Variants in SLC9A7 observed in about 807,000 individuals in gnomAD.
SLC9A7 encodes the protein sodium/hydrogen exchanger 7.
SLC9A7 carries 19 observed loss-of-function variants against 52.6 expected under a neutral mutation model. The observed-to-expected ratio is 0.36, with a 90% confidence interval of 0.25 to 0.53. The LOEUF is 0.53. Ranked by LOEUF, SLC9A7 falls within the 20% of genes least tolerant of loss-of-function variation. SLC9A7 has a pLI of 0.91. For synonymous variants in SLC9A7, 226 were observed against 252.1 expected (o/e 0.90, Z 0.98); for missense variants, 455 against 597.9 (o/e 0.76, Z 2.49).
intron 1 of SLC9A7, among the ~76,000 whole-genome samples, chrX:46,753,639 A>G (rs1922395022): frequency 8.9e-6 from 1 of 111,996 alleles, no homozygotes; most frequent in Non-Finnish European, 1.9e-5. Context: ...TGCTAGCACA[A>G]GTATTTCTGA....
intron 5 of SLC9A7, among the ~76,000 whole-genome samples, chrX:46,668,938 C>T (rs1377798671): frequency 3.6e-5 from 4 of 110,974 alleles, no homozygotes; most frequent in East Asian, 2.8e-4. Flanking sequence ...GAGGCCAAGG[C>T]GGGTGGATCA....
chrX:46,723,298 CA>C (rs764219707), intron 1 of SLC9A7, among the ~76,000 whole-genome samples: 523 of 18,689 alleles, frequency 0.028, 1 homozygote, highest in African/African-American at 0.048. Context: ...AAGATTTCTA[CA>C]AAAAAAAAAA....
intron 14 of SLC9A7, among the ~76,000 whole-genome samples, chrX:46,625,820 G>A (rs750395150): frequency 9.0e-6 from 1 of 111,348 alleles, no homozygotes; most frequent in Non-Finnish European, 1.9e-5. Context: ...CCCCACTGTT[G>A]CTGGCTTTGC....
chrX:46,662,741 T>C (rs1943846023), intron 5 of SLC9A7, 98 bp from the exon 6 acceptor site: 1 of 585,269 alleles, frequency 1.7e-6, no homozygotes, highest in Non-Finnish European at 2.8e-6. Flanking sequence ...TGGGTGGGAC[T>C]GGGTGATTCA....
rs1942686857 is a variant in SLC9A7 at position 46,603,231 on chromosome X, A to T, written c.*3721T>A. ...CCCAACCCACCTTGTTTACATTGGA[A>T]CTACACTGTCGTAGACAGCAATTCA... is the stretch of plus-strand genomic sequence containing the variant. On this transcript the variant is annotated 3_prime_UTR_variant, in exon 17 of 17. Coordinates refer to ENST00000616978, the MANE Select transcript of SLC9A7 (RefSeq NM_001257291.2). The T allele has an allele frequency of 9.0e-6, 1 of 111,613 alleles. No homozygotes were observed. The highest frequency in any genetic ancestry group is 1.9e-5 in the Non-Finnish European group (1 of 53,105). 9.2% of individuals were successfully genotyped at this position (111,613 alleles called of 1,213,427 possible).
chrX:46,668,844 A>G (rs1943966618), intron 5 of SLC9A7, among the ~76,000 whole-genome samples: 1 of 111,417 alleles, frequency 9.0e-6, no homozygotes, highest in African/African-American at 3.3e-5. Flanking sequence ...ATGTGGGTAT[A>G]CTTAACTCTA....
At chrX:46,693,466 T>C (rs989770798) in intron 1 of SLC9A7, among the ~76,000 whole-genome samples, 2 of 111,308 alleles carry the variant, frequency 1.8e-5, no homozygotes, top group Non-Finnish European at 3.8e-5. Context: ...AAGATGACAA[T>C]GCAATTCAAT....
intron 8 of SLC9A7, among the ~76,000 whole-genome samples, chrX:46,652,221 G>A (rs1349135764): frequency 9.0e-6 from 1 of 111,344 alleles, no homozygotes; most frequent in Admixed American, 9.5e-5. Flanking sequence ...CATGATCTCG[G>A]CTCACTGCAG....
intron 1 of SLC9A7, among the ~76,000 whole-genome samples, chrX:46,689,455 C>T (rs769794742): frequency 1.8e-5 from 2 of 112,010 alleles, no homozygotes; most frequent in Non-Finnish European, 3.8e-5. Flanking sequence ...CTGCCATGAA[C>T]ACCCATGAAC....
chrX:46,682,586 G>A, intron 1 of SLC9A7, 51 bp from the exon 2 acceptor site: 1 of 1,081,233 alleles, frequency 9.2e-7, no homozygotes, highest in Non-Finnish European at 1.3e-6. Context: ...TAGAGAAAGT[G>A]TGGAAATAAT....
chrX:46,653,030 C>T (rs887326436), intron 8 of SLC9A7, among the ~76,000 whole-genome samples: 6 of 112,350 alleles, frequency 5.3e-5, no homozygotes, highest in African/African-American at 1.9e-4. Context: ...TGCACCTTAA[C>T]ATCTACTTAC....
intron 2 of SLC9A7, 105 bp from the exon 3 acceptor site, chrX:46,679,860 G>C: frequency 1.9e-6 from 1 of 519,606 alleles, no homozygotes; most frequent in Non-Finnish European, 3.2e-6. Context: ...TGAATATTTA[G>C]AGCAAACAAC....
intron 8 of SLC9A7, 33 bp from the exon 9 acceptor site, chrX:46,651,437 GA>G (rs751618212): frequency 2.8e-6 from 3 of 1,075,253 alleles, no homozygotes; most frequent in Admixed American, 2.4e-5. Flanking sequence ...AAAATCAATG[GA>G]AAAAAAAGAG....
chrX:46,715,866 C>G (rs753006685), intron 1 of SLC9A7, among the ~76,000 whole-genome samples: 12 of 111,797 alleles, frequency 1.1e-4, no homozygotes, highest in Admixed American at 1.9e-4. Flanking sequence ...CATTTTCGGT[C>G]AGCTGGGCTA....
chrX:46,667,314 G>A (rs370623399), intron 5 of SLC9A7, among the ~76,000 whole-genome samples: 20 of 110,602 alleles, frequency 1.8e-4, no homozygotes, highest in African/African-American at 5.9e-4. Flanking sequence ...AGAGTGCCTC[G>A]ACAGCCAAGT....
At chrX:46,612,199 C>T (rs1942862385) in intron 16 of SLC9A7, among the ~76,000 whole-genome samples, 1 of 112,357 alleles carries the variant, frequency 8.9e-6, no homozygotes, top group African/African-American at 3.2e-5. Flanking sequence ...TGAACTTAGC[C>T]TTTGTGAACT....
chrX:46,654,902 C>T (rs1943645909), intron 7 of SLC9A7, among the ~76,000 whole-genome samples: 1 of 110,341 alleles, frequency 9.1e-6, no homozygotes, highest in Non-Finnish European at 1.9e-5. Flanking sequence ...TGAACACTTA[C>T]AATGTGGCTA....
chrX:46,740,283 C>T (rs1921246874), intron 1 of SLC9A7, among the ~76,000 whole-genome samples: 1 of 111,671 alleles, frequency 9.0e-6, no homozygotes, highest in Non-Finnish European at 1.9e-5. Context: ...TGGGGAAAAG[C>T]TGAAAGCCTT....
chrX:46,736,162 T>C (rs1474360156), intron 1 of SLC9A7, among the ~76,000 whole-genome samples: 1 of 112,254 alleles, frequency 8.9e-6, no homozygotes, highest in Non-Finnish European at 1.9e-5. Context: ...TACTCTTCTC[T>C]TGGATATTCT....
Sources: allele counts gnomAD v4.1 joint callset (sites outside exome capture counted in the v4.1 genomes callset), GRCh38; gene constraint gnomAD v4.1.1; transcripts MANE v1.5; gene names NCBI Gene and HGNC (gene_info 2026-07-23, HGNC 2026-07-21).